The following NLN variants were observed in gnomAD, a reference collection of about 807,000 sequenced individuals.
The protein encoded by NLN is neurolysin, mitochondrial.
A neutral mutation model predicts 79.9 loss-of-function variants in NLN; 64 were observed. The observed-to-expected ratio is 0.80, with a 90% confidence interval of 0.65 to 0.99. The LOEUF is 0.99. Among genes scored for constraint, NLN ranks in the 50% least tolerant of loss-of-function variants. NLN has a pLI of 0.00. For missense variants in NLN, 835 were observed against 858.7 expected, an observed-to-expected ratio of 0.97 and a Z score of 0.34; for synonymous variants, 267 against 296.6, an observed-to-expected ratio of 0.90 and a Z score of 1.02.
At chr5:65,795,024 A>G (rs1386193775) in intron 9 of NLN, among the ~76,000 whole-genome samples, 1 of 152,154 alleles carries the variant, frequency 6.6e-6, no homozygotes, top group Non-Finnish European at 1.5e-5. Flanking sequence ...ATCTTTCAGA[A>G]TAATCTTTCT....
intron 1 of NLN, among the ~76,000 whole-genome samples, chr5:65,725,509 T>C (rs1304125849): frequency 6.6e-6 from 1 of 152,250 alleles, no homozygotes; most frequent in Non-Finnish European, 1.5e-5. Flanking sequence ...TTCACTGTGT[T>C]ATACAGTTCT....
intron 1 of NLN, among the ~76,000 whole-genome samples, chr5:65,728,120 T>C (rs935374684): frequency 2.6e-5 from 4 of 152,200 alleles, no homozygotes; most frequent in Non-Finnish European, 2.9e-5. Context: ...GTGTTCATTA[T>C]TGAAAACTTA....
chr5:65,793,025 T>C (rs1760102145), intron 9 of NLN: 1 of 357,480 alleles, frequency 2.8e-6, no homozygotes, highest in African/African-American at 2.1e-5. Context: ...TTTGTTTACT[T>C]TAGTGGTTTT....
chr5:65,772,499 C>T (rs1237016847), intron 3 of NLN, among the ~76,000 whole-genome samples: 5 of 152,236 alleles, frequency 3.3e-5, no homozygotes, highest in Non-Finnish European at 7.3e-5. Context: ...CTGTATCCCC[C>T]TAGCCCAGGA....
intron 2 of NLN, 86 bp from the exon 3 acceptor site, chr5:65,762,874 A>G: frequency 1.6e-6 from 2 of 1,273,342 alleles, no homozygotes; most frequent in Non-Finnish European, 2.2e-6. Context: ...TATTGGCATG[A>G]TCATTCATCT....
At chr5:65,800,345 CAG>C (rs1296713369) in intron 9 of NLN, among the ~76,000 whole-genome samples, 1 of 152,136 alleles carries the variant, frequency 6.6e-6, no homozygotes, top group African/African-American at 2.4e-5. Flanking sequence ...AAATCTGAAA[CAG>C]AGTACATTTT....
In NLN at chr5:65,739,011, T is replaced by TA. The variant is rs1213833334; in HGVS notation, c.41+16597_41+16598insA. Among the ~76,000 whole-genome samples, 1,150 of 127,368 alleles carry TA rather than the reference T, an allele frequency of 9.0e-3. 260 individuals carry two copies. Among genetic ancestry groups the TA allele is most frequent in the African/African-American group, 0.022 (711 of 32,466 alleles). 83.6% of individuals were successfully genotyped at this position (127,368 alleles called of 152,430 possible). A position where few individuals can be genotyped will look rare whatever the true frequency, so the allele number is the denominator to read the frequency against. On this transcript the variant is annotated intron_variant, in intron 1 of 12. Transcript: ENST00000380985. Reference sequence around the variant, plus strand: ...ATTTATATATATTTTATAATATATATTTATATATATAAATATATAATATAT... The same window carrying TA: ...ATTTATATATATTTTATAATATATATATTATATATATAAATATATAATATAT...
chr5:65,787,254 A>ATGTGTGTG (rs146242783), intron 7 of NLN, among the ~76,000 whole-genome samples: 1 of 149,058 alleles, frequency 6.7e-6, no homozygotes, highest in African/African-American at 2.5e-5. Context: ...ATATATATGT[A>ATGTGTGTG]TGTGTGTGTG....
chr5:65,821,377 A>G (rs1760793520), intron 12 of NLN, among the ~76,000 whole-genome samples: 1 of 152,174 alleles, frequency 6.6e-6, no homozygotes, highest in South Asian at 2.1e-4. Context: ...AAATGAGGCT[A>G]AGTACAACTG....
rs780300011 is a variant in NLN, at chr5:65,762,944, T to C, written c.302-16T>C. ...AAGTCCTGTTGTGTGGTGATAGTTT[T>C]TTTCTCCATCTGCAGTGGAAAGGAC... On this transcript the variant is annotated splice_polypyrimidine_tract_variant and intron_variant, in intron 2 of 12. Transcript: ENST00000380985. The C allele has an allele frequency of 5.0e-6, 8 of 1,611,940 alleles. No individual in the cohort carries two copies. The South Asian group carries it at 7.7e-5, about 16-fold the overall frequency.
intron 12 of NLN, among the ~76,000 whole-genome samples, chr5:65,814,189 A>G (rs1361993977): frequency 1.3e-5 from 2 of 152,072 alleles, no homozygotes; most frequent in African/African-American, 2.4e-5. Context: ...TTTTGCCCCA[A>G]CCAACAGAAA....
intron 3 of NLN, among the ~76,000 whole-genome samples, chr5:65,763,451 G>A (rs561677590): frequency 6.6e-5 from 10 of 152,218 alleles, no homozygotes; most frequent in South Asian, 2.1e-4. Context: ...TAAATATCTC[G>A]TGGTTTTGGA....
chr5:65,729,532 G>A (rs1183203285), intron 1 of NLN, among the ~76,000 whole-genome samples: 2 of 151,786 alleles, frequency 1.3e-5, no homozygotes, highest in Admixed American at 6.6e-5. Context: ...CTGCCACCAC[G>A]CCCAGCTAAT....
intron 12 of NLN, chr5:65,818,722 G>A (rs1317267928): frequency 1.3e-5 from 2 of 152,392 alleles, no homozygotes; most frequent in East Asian, 1.9e-4. Context: ...GAGCAGGCTG[G>A]TGAGCTTGTC....
At chr5:65,768,894 C>G (rs1308916443) in intron 3 of NLN, among the ~76,000 whole-genome samples, 1 of 152,196 alleles carries the variant, frequency 6.6e-6, no homozygotes, top group Admixed American at 6.5e-5. Context: ...CTGCCAAAAG[C>G]CTATTTACAA....
intron 3 of NLN, among the ~76,000 whole-genome samples, chr5:65,763,361 A>C (rs1759380706): frequency 6.6e-6 from 1 of 152,240 alleles, no homozygotes. Context: ...TTTTAATAAC[A>C]TTATGAACTT....
intron 3 of NLN, among the ~76,000 whole-genome samples, chr5:65,768,411 A>G (rs1759500197): frequency 6.6e-6 from 1 of 152,138 alleles, no homozygotes; most frequent in African/African-American, 2.4e-5. Flanking sequence ...GAACTCACTC[A>G]CCATCATGAG....
Position 65,812,323 on chromosome 5 carries a change from T to C in NLN, c.1912T>C (p.Trp638Arg). 6.3e-7 allele frequency: 1 copy of C among 1,592,960 alleles called. No individual in the cohort carries two copies. The highest frequency in any genetic ancestry group is 1.3e-5 in the African/African-American group (1 of 74,504). Residue 638 changes from tryptophan (W) to arginine (R), a missense_variant, in exon 12 of 13, where the codon TGG (tryptophan) becomes CGG (arginine). Trp to Arg is a moderately radical substitution (Grantham distance 101). Coordinates refer to ENST00000380985, the MANE Select transcript of NLN (RefSeq NM_020726.5). Reference sequence around the variant, plus strand: ...CGATGGCCAATATTATGGATATCTTTGGAGTGAAGTATTTTCCATGGATAT... The same window carrying C: ...CGATGGCCAATATTATGGATATCTTCGGAGTGAAGTATTTTCCATGGATAT... ...GYDGQYYGYL[W>R]SEVFSMDMFY...
Position 65,788,221 on chromosome 5 carries a change from G to C in NLN, c.1062G>C (p.Gly354=), listed in dbSNP as rs567594910. Residue 354 remains glycine (G), a synonymous_variant, in exon 8 of 13, where the codon GGG becomes GGC. Transcript: ENST00000380985. ...ECKDRGFEYD[G]KINAWDLYYY... ...AAGACAGGGGTTTTGAATATGATGGGAAAATCAATGCCTGGGATCTATATT... is the reference window on the plus strand; with the variant it reads ...AAGACAGGGGTTTTGAATATGATGGCAAAATCAATGCCTGGGATCTATATT... The C allele has an allele frequency of 3.1e-6, 5 of 1,614,144 alleles. No homozygotes were observed. The highest frequency in any genetic ancestry group is 4.5e-5 in the East Asian group (2 of 44,874).
Sources: allele counts gnomAD v4.1 joint callset (sites outside exome capture counted in the v4.1 genomes callset), GRCh38; gene constraint gnomAD v4.1.1; transcripts MANE v1.5; gene names NCBI Gene and HGNC (gene_info 2026-07-23, HGNC 2026-07-21).